Variants in ANKS1B observed in about 807,000 individuals in gnomAD.
The protein encoded by ANKS1B is ankyrin repeat and sterile alpha motif domain-containing protein 1B.
In ANKS1B, 36 loss-of-function variants were observed where a neutral mutation model predicts 148.3. That is an observed-to-expected ratio of 0.24 (90% confidence interval 0.19 to 0.32). The LOEUF (loss-of-function observed/expected upper bound fraction) is 0.32. ANKS1B is among the 10% of genes least tolerant of loss of function. The pLI, the probability that ANKS1B is intolerant of heterozygous loss-of-function variation, is 1.00. For missense variants in ANKS1B, 1,157 were observed against 1,542.6 expected (o/e 0.75, Z 4.19); for synonymous variants, 542 against 560.8 (o/e 0.97, Z 0.47).
At chr12:99,146,580 AC>A (rs1465534426) in intron 15 of ANKS1B, among the ~76,000 whole-genome samples, 19 of 151,974 alleles carry the variant, frequency 1.3e-4, no homozygotes, top group Non-Finnish European at 2.4e-4. Flanking sequence ...AAGCAAAAAC[AC>A]CCTCTCTAGC....
chr12:99,405,319 A>C lies in ANKS1B; in HGVS notation c.1576-5508T>G. 1.4e-5 allele frequency among the ~76,000 whole-genome samples: 2 copies of C among 145,090 alleles called. 1 individual carries two copies. Reference sequence around the variant, plus strand: ...ATGAAAAAATAGACTGATAATAACAAGTATGAAAACTTTTCAAGACATAGA... The same window carrying C: ...ATGAAAAAATAGACTGATAATAACACGTATGAAAACTTTTCAAGACATAGA... On this transcript the variant is annotated intron_variant, in intron 11 of 26. Transcript: ENST00000683438.
chr12:99,915,090 T>A (rs1477422010), intron 1 of ANKS1B, among the ~76,000 whole-genome samples: 1 of 151,900 alleles, frequency 6.6e-6, no homozygotes, highest in Non-Finnish European at 1.5e-5. Context: ...CTGGGCATGG[T>A]GATGCATGCC....
chr12:99,035,299 C>G (rs1489381588), intron 17 of ANKS1B, among the ~76,000 whole-genome samples: 1 of 152,132 alleles, frequency 6.6e-6, no homozygotes, highest in Admixed American at 6.5e-5. Context: ...TCTGACTTAC[C>G]TTGTTTGACT....
chr12:99,361,058 T>A (rs2092420828), intron 12 of ANKS1B, among the ~76,000 whole-genome samples: 1 of 152,040 alleles, frequency 6.6e-6, no homozygotes, highest in Non-Finnish European at 1.5e-5. Context: ...CACAGCAGGG[T>A]GACTATAGGG....
Position 99,443,750 on chromosome 12 carries a change from T to C in ANKS1B, c.1498A>G (p.Thr500Ala), listed in dbSNP as rs2095588220. ...PGTSNHRNSS[T>A]GPTPDCSPPS... ...GGTGAACAATCAGGTGTTGGGCCTG[T>C]TGAGCTGTTTCTATGGTTACTAGTT... is the stretch of plus-strand genomic sequence containing the variant. The change falls in exon 11 of 27, where the codon ACA becomes GCA. Residue 500 changes from threonine to alanine, a missense_variant. Transcript: ENST00000683438. 1.2e-6 allele frequency: 2 copies of C among 1,612,158 alleles called. No homozygotes were observed. Among genetic ancestry groups the C allele is most frequent in the Admixed American group, 1.7e-5 (1 of 59,772 alleles).
chr12:99,927,511 A>T (rs1047615952), intron 1 of ANKS1B, among the ~76,000 whole-genome samples: 10 of 152,256 alleles, frequency 6.6e-5, no homozygotes, highest in African/African-American at 2.4e-4. Flanking sequence ...AAGATTGCCT[A>T]GGAAGAATGT....
intron 12 of ANKS1B, among the ~76,000 whole-genome samples, chr12:99,304,499 C>A (rs2082099313): frequency 6.6e-6 from 1 of 152,062 alleles, no homozygotes. Context: ...CTAGCTTTTG[C>A]CTCTCAGAGA....
intron 10 of ANKS1B, among the ~76,000 whole-genome samples, chr12:99,463,129 C>A (rs1039999338): frequency 6.6e-6 from 1 of 152,138 alleles, no homozygotes; most frequent in African/African-American, 2.4e-5. Flanking sequence ...GAAAACTGGA[C>A]TAAAAACTAC....
intron 16 of ANKS1B, among the ~76,000 whole-genome samples, chr12:99,064,649 T>A (rs550201841): frequency 8.5e-4 from 129 of 152,350 alleles, no homozygotes; most frequent in African/African-American, 2.9e-3. Flanking sequence ...CAGGCACTGC[T>A]CTTTTTAGCT....
intron 14 of ANKS1B, among the ~76,000 whole-genome samples, chr12:99,164,293 A>G (rs892528245): frequency 6.6e-6 from 1 of 152,166 alleles, no homozygotes; most frequent in Non-Finnish European, 1.5e-5. Flanking sequence ...TAATATTTTA[A>G]TCTGAAGTTT....
intron 9 of ANKS1B, among the ~76,000 whole-genome samples, chr12:99,540,531 A>C (rs2097114906): frequency 6.6e-6 from 1 of 152,182 alleles, no homozygotes; most frequent in Non-Finnish European, 1.5e-5. Context: ...GAAATTCATG[A>C]ATATGTGGAA....
chr12:98,861,682 G>A lies in ANKS1B; in HGVS notation c.2779-29546C>T, dbSNP rs553269824. ...TCCTAAGATAGCATGCAAAAGTTCT[G>A]GACTAATTTCTAGTCTGAAGATATT... On this transcript the variant is annotated intron_variant, in intron 17 of 26. Coordinates refer to ENST00000683438, the MANE Select transcript of ANKS1B (RefSeq NM_001352186.2). Among the ~76,000 whole-genome samples, 10 of 152,240 alleles carry A rather than the reference G, an allele frequency of 6.6e-5. No homozygotes were observed. In the South Asian group the frequency reaches 2.1e-3, roughly 32 times the overall value.
chr12:99,547,784 A>T (rs1237121771), intron 9 of ANKS1B, among the ~76,000 whole-genome samples: 2 of 152,212 alleles, frequency 1.3e-5, no homozygotes, highest in African/African-American at 4.8e-5. Context: ...AGTCTAAAAC[A>T]TCAGGTATGT....
At chr12:99,446,528 T>C (rs1291539028) in intron 10 of ANKS1B, among the ~76,000 whole-genome samples, 1 of 152,056 alleles carries the variant, frequency 6.6e-6, no homozygotes, top group Non-Finnish European at 1.5e-5. Context: ...GAGAAACTCA[T>C]CTCAAAGTTA....
intron 12 of ANKS1B, among the ~76,000 whole-genome samples, chr12:99,331,935 T>TAA (rs1360924437): frequency 3.3e-5 from 5 of 151,874 alleles, no homozygotes; most frequent in Admixed American, 3.3e-4. Context: ...ATAGAGGAAA[T>TAA]AAAGGCAGTA....
At chr12:98,861,798 C>T (rs2099600415) in intron 17 of ANKS1B, among the ~76,000 whole-genome samples, 1 of 152,118 alleles carries the variant, frequency 6.6e-6, no homozygotes, top group African/African-American at 2.4e-5. Flanking sequence ...CAAGGTCACC[C>T]ACAGTTAACA....
Position 99,443,741 on chromosome 12 carries a change from T to C in ANKS1B, c.1507A>G (p.Thr503Ala). 3.1e-6 allele frequency: 5 copies of C among 1,612,352 alleles called. No individual in the cohort carries two copies. Among genetic ancestry groups the C allele is most frequent in the Non-Finnish European group, 3.4e-6 (4 of 1,178,892 alleles). ...SNHRNSSTGPTPDCSPPSPDT... is the reference protein window; with the variant it reads ...SNHRNSSTGPAPDCSPPSPDT... ...GGGGATGGAGGTGAACAATCAGGTGTTGGGCCTGTTGAGCTGTTTCTATGG... is the reference window on the plus strand; with the variant it reads ...GGGGATGGAGGTGAACAATCAGGTGCTGGGCCTGTTGAGCTGTTTCTATGG... Residue 503 changes from threonine to alanine, a missense_variant, in exon 11 of 27, where the codon ACA becomes GCA. Coordinates refer to ENST00000683438, the MANE Select transcript of ANKS1B (RefSeq NM_001352186.2).
At chr12:99,559,946 A>G (rs984976912) in intron 9 of ANKS1B, among the ~76,000 whole-genome samples, 1 of 152,224 alleles carries the variant, frequency 6.6e-6, no homozygotes, top group Admixed American at 6.5e-5. Context: ...AGTAAGACCT[A>G]AAATAATTGT....
intron 8 of ANKS1B, among the ~76,000 whole-genome samples, chr12:99,747,539 C>T (rs2060707702): frequency 6.6e-6 from 1 of 152,136 alleles, no homozygotes; most frequent in Non-Finnish European, 1.5e-5. Context: ...GTTAAAAAAT[C>T]TTTAATGGAT....
Sources: allele counts gnomAD v4.1 joint callset (sites outside exome capture counted in the v4.1 genomes callset), GRCh38; gene constraint gnomAD v4.1.1; transcripts MANE v1.5; gene names NCBI Gene and HGNC (gene_info 2026-07-23, HGNC 2026-07-21).